The following WWOX variants were observed in gnomAD, a reference collection of about 807,000 sequenced individuals.
The protein encoded by WWOX is WW domain-containing oxidoreductase.
In WWOX, 69 loss-of-function variants were observed where a neutral mutation model predicts 46.2. The ratio of observed to expected loss-of-function variants is 1.49; its 90% CI spans 1.23 to 1.82. WWOX has a LOEUF of 1.82. Ranked by LOEUF, WWOX falls within the 40% of genes most tolerant of loss-of-function variation. The pLI, the probability that WWOX is intolerant of heterozygous loss-of-function variation, is 0.00. For missense variants in WWOX, 919 were observed against 542.6 expected, an observed-to-expected ratio of 1.69 and a Z score of -6.89; for synonymous variants, 359 against 202.6, an observed-to-expected ratio of 1.77 and a Z score of -6.56.
At chr16:78,910,009 C>T (rs1222160457) in intron 8 of WWOX, among the ~76,000 whole-genome samples, 1 of 152,140 alleles carries the variant, frequency 6.6e-6, no homozygotes, top group Non-Finnish European at 1.5e-5. Flanking sequence ...CAAATTTTTG[C>T]AAAGTATAAT....
chr16:78,741,509 A>T (rs2049227569), intron 8 of WWOX, among the ~76,000 whole-genome samples: 1 of 151,468 alleles, frequency 6.6e-6, no homozygotes, highest in South Asian at 2.1e-4. Flanking sequence ...GAAGTGACCC[A>T]AGATCACCAC....
At chr16:78,579,818 A>C (rs980728913) in intron 8 of WWOX, among the ~76,000 whole-genome samples, 8 of 152,202 alleles carry the variant, frequency 5.3e-5, no homozygotes, top group Non-Finnish European at 8.8e-5. Context: ...TACCTGGAAC[A>C]TGATGGTGCT....
chr16:78,146,736 A>G (rs1338538673), intron 4 of WWOX, among the ~76,000 whole-genome samples: 1 of 152,174 alleles, frequency 6.6e-6, no homozygotes, highest in Non-Finnish European at 1.5e-5. Flanking sequence ...TTCTTTTACC[A>G]ATTGTATGCC....
At chr16:78,414,411 A>T (rs758713658) in intron 6 of WWOX, among the ~76,000 whole-genome samples, 35 of 152,190 alleles carry the variant, frequency 2.3e-4, no homozygotes, top group Non-Finnish European at 4.0e-4. Context: ...TCTACTAAAA[A>T]TACAAAAATT....
At position 78,471,372 on chromosome 16, in the gene WWOX, T is replaced by C. The variant is rs115425694; in HGVS notation, c.1056+38620T>C. Among the ~76,000 whole-genome samples, 957 of 152,338 alleles carry C rather than the reference T, an allele frequency of 6.3e-3. 11 individuals are homozygous for C. The highest frequency in any genetic ancestry group is 0.022 in the African/African-American group (915 of 41,580). On this transcript the variant is annotated intron_variant, in intron 8 of 8. Transcript: ENST00000566780. ...TAACAGGCATCTCTCACCTCATTTGTCTGGTGGAATGTTTACAAATGCTAA... is the reference window on the plus strand; with the variant it reads ...TAACAGGCATCTCTCACCTCATTTGCCTGGTGGAATGTTTACAAATGCTAA...
chr16:78,929,242 T>A (rs2045566928), intron 8 of WWOX, among the ~76,000 whole-genome samples: 1 of 143,806 alleles, frequency 7.0e-6, no homozygotes, highest in Admixed American at 6.8e-5. Context: ...GCTTTTATGT[T>A]ATCATACAGT....
chr16:79,104,425 T>A (rs910055244), intron 8 of WWOX, among the ~76,000 whole-genome samples: 5 of 152,234 alleles, frequency 3.3e-5, no homozygotes, highest in Non-Finnish European at 2.9e-5. Context: ...TTTGCTATAA[T>A]GGCTTTATCA....
At position 78,936,642 on chromosome 16, in the gene WWOX, T is replaced by A. The variant is rs1255853635; in HGVS notation, c.1057-274966T>A. Among the ~76,000 whole-genome samples the A allele has an allele frequency of 2.6e-5, 4 of 152,236 alleles. No individual in the cohort carries two copies. In the East Asian group the frequency reaches 7.7e-4, roughly 29 times the overall value. ...GCTGGATGGGTTTTGGAACATGTCT[T>A]GATTGTACTTTTTCCTCTTGGTTTG... is the stretch of plus-strand genomic sequence containing the variant. On this transcript the variant is annotated intron_variant, in intron 8 of 8. Transcript: ENST00000566780.
chr16:78,279,394 A>G (rs773708928), intron 5 of WWOX, among the ~76,000 whole-genome samples: 5 of 152,200 alleles, frequency 3.3e-5, no homozygotes, highest in East Asian at 1.9e-4. Flanking sequence ...TTTTGTCTCT[A>G]TCTTTCATGG....
At position 79,134,456 on chromosome 16, in the gene WWOX, G is replaced by C. The variant is rs533051841; in HGVS notation, c.1057-77152G>C. 1.4e-4 allele frequency among the ~76,000 whole-genome samples: 22 copies of C among 152,254 alleles called. No homozygotes were observed. In the South Asian group the frequency reaches 4.4e-3, roughly 30 times the overall value. On this transcript the variant is annotated intron_variant, in intron 8 of 8. Transcript: ENST00000566780. Reference sequence around the variant, plus strand: ...AAGTTATACAGGGTCCTGTTGGAGGGAGCTATGTGCAGAATGAGGTCGAGG... The same window carrying C: ...AAGTTATACAGGGTCCTGTTGGAGGCAGCTATGTGCAGAATGAGGTCGAGG...
intron 8 of WWOX, among the ~76,000 whole-genome samples, chr16:78,892,570 T>C (rs1394788985): frequency 6.6e-6 from 1 of 152,206 alleles, no homozygotes; most frequent in Admixed American, 6.5e-5. Flanking sequence ...TTCCTCCACA[T>C]TTTATCCAAA....
chr16:78,321,137 T>G (rs1324032444), intron 5 of WWOX, among the ~76,000 whole-genome samples: 3 of 151,924 alleles, frequency 2.0e-5, no homozygotes, highest in Non-Finnish European at 2.9e-5. Flanking sequence ...ACATAAAATT[T>G]CTGTTGCAAA....
Position 78,329,848 on chromosome 16 carries a change from G to A in WWOX, c.517-57012G>A, listed in dbSNP as rs532288614. On this transcript the variant is annotated intron_variant, in intron 5 of 8. Transcript: ENST00000566780. ...TGCAGCCTCAAACTCTTTGGCTCCA[G>A]TGATTCTCCCACCTCAACCTCCCAA... 2.0e-5 allele frequency among the ~76,000 whole-genome samples: 3 copies of A among 151,636 alleles called. No individual in the cohort carries two copies. In the South Asian group the frequency reaches 6.3e-4, roughly 32 times the overall value.
chr16:79,079,257 G>A (rs1449097983), intron 8 of WWOX, among the ~76,000 whole-genome samples: 4 of 152,128 alleles, frequency 2.6e-5, no homozygotes, highest in Non-Finnish European at 5.9e-5. Flanking sequence ...TAAGACAGTG[G>A]GTATTTAATC....
intron 5 of WWOX, among the ~76,000 whole-genome samples, chr16:78,231,712 CA>C (rs2037270904): frequency 6.6e-6 from 1 of 152,230 alleles, no homozygotes; most frequent in African/African-American, 2.4e-5. Context: ...CTGGAATTGC[CA>C]TTGGCTGAGT....
intron 8 of WWOX, among the ~76,000 whole-genome samples, chr16:78,510,040 C>T (rs2085321799): frequency 6.6e-6 from 1 of 151,306 alleles, no homozygotes; most frequent in Non-Finnish European, 1.5e-5. Flanking sequence ...CTGGCCTGGG[C>T]AACAAAGAGA....
chr16:78,713,148 T>C (rs1305953190), intron 8 of WWOX, among the ~76,000 whole-genome samples: 3 of 151,684 alleles, frequency 2.0e-5, no homozygotes, highest in Non-Finnish European at 2.9e-5. Context: ...GGTGCCTACC[T>C]GTGGTCCCAG....
intron 8 of WWOX, among the ~76,000 whole-genome samples, chr16:79,187,120 G>A (rs1165512707): frequency 2.0e-5 from 3 of 152,126 alleles, no homozygotes; most frequent in Non-Finnish European, 4.4e-5. Context: ...ACACTGAGCC[G>A]AACCCCCTGG....
At chr16:78,934,585 C>A (rs1199507093) in intron 8 of WWOX, among the ~76,000 whole-genome samples, 1 of 151,202 alleles carries the variant, frequency 6.6e-6, no homozygotes, top group African/African-American at 2.4e-5. Flanking sequence ...TAGAAGCTAG[C>A]ATCTGTTTTT....
Sources: allele counts gnomAD v4.1 joint callset (sites outside exome capture counted in the v4.1 genomes callset), GRCh38; gene constraint gnomAD v4.1.1; transcripts MANE v1.5; gene names NCBI Gene and HGNC (gene_info 2026-07-23, HGNC 2026-07-21).